Variants in ENOSF1 observed in about 807,000 individuals in gnomAD.
ENOSF1 encodes enolase superfamily member 1.
Under a neutral mutation model 68.2 loss-of-function variants are expected in ENOSF1, and 73 were observed. That is an observed-to-expected ratio of 1.07 (90% CI 0.89 to 1.30). The LOEUF (loss-of-function observed/expected upper bound fraction) is 1.30, where lower values mean the gene tolerates loss of function less well. Ranked by LOEUF, ENOSF1 falls within the 50% of genes most tolerant of loss-of-function variation. The pLI is 0.00. For missense variants in ENOSF1, 589 were observed against 554.5 expected, an observed-to-expected ratio of 1.06 and a Z score of -0.62; for synonymous variants, 223 against 210.4, an observed-to-expected ratio of 1.06 and a Z score of -0.52.
intron 8 of ENOSF1, among the ~76,000 whole-genome samples, chr18:689,356 T>C (rs562703256): frequency 6.6e-6 from 1 of 152,252 alleles, no homozygotes; most frequent in Admixed American, 6.5e-5. Context: ...TCTCGGCTCA[T>C]TGCAACCCCT....
At chr18:675,004 C>T (rs1017201683) in intron 15 of ENOSF1, among the ~76,000 whole-genome samples, 7 of 152,230 alleles carry the variant, frequency 4.6e-5, no homozygotes, top group African/African-American at 1.7e-4. Flanking sequence ...CCCAGCCACA[C>T]AATTGTAGTC....
intron 2 of ENOSF1, among the ~76,000 whole-genome samples, chr18:701,364 G>A (rs1313304486): frequency 2.0e-5 from 3 of 152,032 alleles, no homozygotes; most frequent in Non-Finnish European, 4.4e-5. Flanking sequence ...AATGAAGGAG[G>A]CTGTGCCTGT....
At position 670,894 on chromosome 18, in the gene ENOSF1, G is replaced by T; in HGVS notation, c.*3411C>A. The T allele has an allele frequency of 6.2e-7, 1 of 1,612,380 alleles. No homozygotes were observed. The highest frequency in any genetic ancestry group is 1.1e-5 in the South Asian group (1 of 90,874). ...TGGGCTGTCTCGGGAAGGGTGACTT[G>T]CCAGCCTACCACACTGAGCTCTTCA... is the stretch of plus-strand genomic sequence containing the variant. On this transcript the variant is annotated 3_prime_UTR_variant, in exon 16 of 16. Coordinates refer to ENST00000647584, the MANE Select transcript of ENOSF1 (RefSeq NM_017512.7).
chr18:703,388 A>C (rs2078583967), intron 2 of ENOSF1, among the ~76,000 whole-genome samples: 1 of 151,902 alleles, frequency 6.6e-6, no homozygotes, highest in African/African-American at 2.4e-5. Context: ...ATGGCCTAAC[A>C]TTATCTTGTA....
downstream of ENOSF1, among the ~76,000 whole-genome samples, chr18:666,897 T>C (rs752471287): frequency 1.2e-4 from 6 of 48,208 alleles, 1 homozygote; most frequent in African/African-American, 3.9e-4. Flanking sequence ...CGGGAGATGG[T>C]GATGGAGATG....
downstream of ENOSF1, among the ~76,000 whole-genome samples, chr18:667,197 T>A (rs368759771): frequency 6.3e-4 from 37 of 59,160 alleles, no homozygotes; most frequent in Admixed American, 7.1e-4. Context: ...ATGGAGATGG[T>A]GATGGTGATG....
At chr18:669,103 A>G (rs1567992218), downstream of ENOSF1, 1 of 1,614,194 alleles carries the variant, frequency 6.2e-7, no homozygotes, top group Non-Finnish European at 8.5e-7. Context: ...ACCAACTGCA[A>G]AGAGTGATTG....
At chr18:682,489 T>C (rs1466563171) in intron 11 of ENOSF1, among the ~76,000 whole-genome samples, 2 of 152,134 alleles carry the variant, frequency 1.3e-5, no homozygotes, top group Non-Finnish European at 2.9e-5. Flanking sequence ...CGCCATTATA[T>C]AGGCAGTCTT....
intron 12 of ENOSF1, 78 bp from the exon 13 acceptor site, chr18:677,950 C>A (rs2075682175): frequency 6.7e-7 from 1 of 1,485,310 alleles, no homozygotes; most frequent in African/African-American, 1.4e-5. Context: ...GCAACGCAGC[C>A]ACTCTATGCC....
intron 1 of ENOSF1, chr18:706,815 A>ATTT (rs71297337): frequency 1.0e-3 from 132 of 131,028 alleles, no homozygotes; most frequent in African/African-American, 1.4e-3. Context: ...ATATATATAT[A>ATTT]TTTTTTTTTT....
downstream of ENOSF1, among the ~76,000 whole-genome samples, chr18:666,033 G>T (rs2074809018): frequency 2.1e-5 from 2 of 97,552 alleles, 1 homozygote; most frequent in Non-Finnish European, 3.8e-5. Context: ...TATTAGGTCC[G>T]CTTAGTGCAG....
chr18:675,356 C>G lies in ENOSF1; in HGVS notation c.1195G>C (p.Val399Leu), dbSNP rs774860316. Residue 399 changes from valine (V) to leucine (L), a missense_variant, in exon 15 of 16, where the codon GTG (valine) becomes CTG (leucine). By Grantham distance (32) the Val-to-Leu change is conservative (BLOSUM62 1). Transcript: ENST00000647584. Reference protein sequence around the residue: ...DHLHEHFKYPVMIQRASYMPP... With the variant: ...DHLHEHFKYPLMIQRASYMPP... Reference sequence around the variant, plus strand: ...ATGTAGGAAGCCCGCTGGATCATCACGGGATACTTGAAATGCTCATGCAGG... The same window carrying G: ...ATGTAGGAAGCCCGCTGGATCATCAGGGGATACTTGAAATGCTCATGCAGG... 77 of 1,612,098 alleles carry G rather than the reference C, an allele frequency of 4.8e-5. No homozygotes were observed. The highest frequency in any genetic ancestry group is 6.3e-5 in the Non-Finnish European group (74 of 1,179,718).
rs141273697 is a variant in ENOSF1, at chr18:694,293, G to A, written c.351C>T (p.Ala117=). ...EKGVVHLATA[A]VLNAVWDLWA... ...ACAAGTCCCACACCGCGTTTAGGAC[G>A]GCCGCTGTCGCCAGGTGCACCACGC... Residue 117 remains alanine, a synonymous_variant, in exon 4 of 16, where the codon GCC becomes GCT. Coordinates refer to ENST00000647584, the MANE Select transcript of ENOSF1 (RefSeq NM_017512.7). 34 of 1,614,026 alleles carry A rather than the reference G, an allele frequency of 2.1e-5. No homozygotes were observed. Among genetic ancestry groups the A allele is most frequent in the Middle Eastern group, 1.6e-4 (1 of 6,082 alleles).
rs146192066 is a variant in ENOSF1, at chr18:705,257, C to A, written c.193+1213G>T. Among the ~76,000 whole-genome samples the A allele has an allele frequency of 3.7e-3, 557 of 152,332 alleles. 5 individuals are homozygous for A. Among genetic ancestry groups the A allele is most frequent in the African/African-American group, 0.013 (526 of 41,580 alleles). ...CTTTTCCCTCCTTCTAGACCCTTAC[C>A]CTTCAATCTATCATAATTTGGCTTC... On this transcript the variant is annotated intron_variant, in intron 2 of 15. Coordinates refer to ENST00000647584, the MANE Select transcript of ENOSF1 (RefSeq NM_017512.7).
At chr18:694,427 C>A in intron 3 of ENOSF1, 93 bp from the exon 4 acceptor site, 1 of 1,119,480 alleles carries the variant, frequency 8.9e-7, no homozygotes, top group East Asian at 2.6e-5. Context: ...GACTTTGGGA[C>A]CAAGACCAGC....
intron 9 of ENOSF1, chr18:687,074 C>T (rs1173088862): frequency 2.0e-5 from 3 of 152,232 alleles, no homozygotes; most frequent in African/African-American, 7.2e-5. Flanking sequence ...ACAGCAGCTG[C>T]TCTGAATCCT....
At chr18:707,605 A>C in intron 1 of ENOSF1, 1 of 152,194 alleles carries the variant, frequency 6.6e-6, no homozygotes, top group Non-Finnish European at 1.5e-5. Context: ...AGACTCCAAA[A>C]AGCCAGGCAG....
chr18:705,728 G>A (rs1170943305), intron 2 of ENOSF1, among the ~76,000 whole-genome samples: 1 of 151,986 alleles, frequency 6.6e-6, no homozygotes, highest in East Asian at 1.9e-4. Context: ...TTTTGAAAAG[G>A]CCGGGTGTGA....
At chr18:712,090 A>G (rs1028708413) in intron 1 of ENOSF1, among the ~76,000 whole-genome samples, 5 of 152,314 alleles carry the variant, frequency 3.3e-5, no homozygotes, top group East Asian at 1.9e-4. Context: ...TTTTGCTGCT[A>G]TTGCCTATTA....
Sources: allele counts gnomAD v4.1 joint callset (sites outside exome capture counted in the v4.1 genomes callset), GRCh38; gene constraint gnomAD v4.1.1; transcripts MANE v1.5; gene names NCBI Gene and HGNC (gene_info 2026-07-23, HGNC 2026-07-21).